The following MIR2052HG variants were observed in gnomAD, a reference collection of about 807,000 sequenced individuals.
MIR2052HG encodes MIR2052 host gene.
At chr8:74,749,538 A>G (rs1379612009) in intron 4 of MIR2052HG, among the ~76,000 whole-genome samples, 1 of 152,180 alleles carries the variant, frequency 6.6e-6, no homozygotes, top group East Asian at 1.9e-4. Flanking sequence ...TCGACATCAT[A>G]AAGTGAATGT....
intron 2 of MIR2052HG, among the ~76,000 whole-genome samples, chr8:74,632,282 G>A (rs1284290816): frequency 3.9e-5 from 6 of 152,086 alleles, no homozygotes; most frequent in East Asian, 3.9e-4. Flanking sequence ...CAAGACTCTC[G>A]CCAGGGAGAT....
At chr8:74,653,354 G>T (rs930192250) in intron 2 of MIR2052HG, among the ~76,000 whole-genome samples, 1 of 152,196 alleles carries the variant, frequency 6.6e-6, no homozygotes, top group Non-Finnish European at 1.5e-5. Flanking sequence ...AAATGAATCT[G>T]TAGATGTGCT....
chr8:74,618,665 A>G (rs561388533), intron 2 of MIR2052HG, among the ~76,000 whole-genome samples: 4 of 152,356 alleles, frequency 2.6e-5, no homozygotes, highest in Admixed American at 1.3e-4. Flanking sequence ...AAAGTTGTAT[A>G]TGACAAGCCC....
At chr8:74,646,401 T>C (rs1474608819) in intron 2 of MIR2052HG, among the ~76,000 whole-genome samples, 1 of 152,182 alleles carries the variant, frequency 6.6e-6, no homozygotes, top group East Asian at 1.9e-4. Context: ...GTGTTTGATT[T>C]GATGTAAGCA....
intron 4 of MIR2052HG, among the ~76,000 whole-genome samples, chr8:74,719,040 G>C (rs1243217271): frequency 6.6e-5 from 10 of 151,670 alleles, no homozygotes; most frequent in African/African-American, 2.4e-4. Flanking sequence ...AATTTGTCAG[G>C]GTCTTCCTAT....
At chr8:74,742,671 G>A (rs1328693766) in intron 4 of MIR2052HG, among the ~76,000 whole-genome samples, 6 of 152,122 alleles carry the variant, frequency 3.9e-5, no homozygotes, top group Non-Finnish European at 8.8e-5. Context: ...CTGTGGAAAT[G>A]TTGACATCAT....
At chr8:74,675,219 G>C (rs1586910689) in intron 2 of MIR2052HG, among the ~76,000 whole-genome samples, 1 of 151,982 alleles carries the variant, frequency 6.6e-6, no homozygotes, top group African/African-American at 2.4e-5. Context: ...AAGTATTATT[G>C]GCCCTTCATA....
chr8:74,709,483 A>C (rs1809445701), intron 4 of MIR2052HG, among the ~76,000 whole-genome samples: 1 of 152,056 alleles, frequency 6.6e-6, no homozygotes, highest in South Asian at 2.1e-4. Context: ...CATGGGCATA[A>C]GTTTTTGAAA....
chr8:74,703,948 G>C (rs1223519278), intron 4 of MIR2052HG, among the ~76,000 whole-genome samples: 1 of 151,996 alleles, frequency 6.6e-6, no homozygotes, highest in African/African-American at 2.4e-5. Flanking sequence ...GAGGAATTTA[G>C]TAATTTATCA....
At chr8:74,683,387 A>T (rs1265241264) in intron 2 of MIR2052HG, among the ~76,000 whole-genome samples, 1 of 152,142 alleles carries the variant, frequency 6.6e-6, no homozygotes, top group Non-Finnish European at 1.5e-5. Context: ...AGTCACTAAC[A>T]TAACCTGAAC....
chr8:74,605,297 G>A (rs1808095557), intron 1 of MIR2052HG, among the ~76,000 whole-genome samples: 1 of 152,170 alleles, frequency 6.6e-6, no homozygotes, highest in African/African-American at 2.4e-5. Flanking sequence ...TGCCCAGGGA[G>A]GAACTTTGTA....
At chr8:74,712,824 A>G (rs532711721) in intron 4 of MIR2052HG, among the ~76,000 whole-genome samples, 4 of 151,652 alleles carry the variant, frequency 2.6e-5, no homozygotes, top group Non-Finnish European at 4.4e-5. Flanking sequence ...TTCTGTCCAT[A>G]TTTAATAAAT....
At chr8:74,620,202 C>T (rs1808342246) in intron 2 of MIR2052HG, among the ~76,000 whole-genome samples, 1 of 152,204 alleles carries the variant, frequency 6.6e-6, no homozygotes, top group Non-Finnish European at 1.5e-5. Flanking sequence ...CAGCTCTGCC[C>T]CTCTGGCTTC....
At chr8:74,600,465 C>T (rs1448087130) in intron 1 of MIR2052HG, among the ~76,000 whole-genome samples, 2 of 151,366 alleles carry the variant, frequency 1.3e-5, no homozygotes, top group African/African-American at 2.4e-5. Flanking sequence ...TGCCTGTAAT[C>T]CCAGCTACTC....
At chr8:74,619,590 G>T (rs937942470) in intron 2 of MIR2052HG, among the ~76,000 whole-genome samples, 6 of 152,160 alleles carry the variant, frequency 3.9e-5, no homozygotes, top group African/African-American at 9.7e-5. Flanking sequence ...TTCACAGGGT[G>T]GCAGGATGGA....
At chr8:74,755,194 G>GT (rs1809987008) in intron 5 of MIR2052HG, among the ~76,000 whole-genome samples, 1 of 152,106 alleles carries the variant, frequency 6.6e-6, no homozygotes, top group African/African-American at 2.4e-5. Context: ...TGATATTTGG[G>GT]TTTTTTAAAA....
intron 2 of MIR2052HG, among the ~76,000 whole-genome samples, chr8:74,691,027 C>T (rs951051704): frequency 7.2e-5 from 11 of 151,968 alleles, no homozygotes; most frequent in African/African-American, 2.7e-4. Flanking sequence ...GGGTCGAGAA[C>T]GTAAAAAATT....
At chr8:74,673,417 G>C (rs117385219) in intron 2 of MIR2052HG, among the ~76,000 whole-genome samples, 1 of 151,950 alleles carries the variant, frequency 6.6e-6, no homozygotes, top group South Asian at 2.1e-4. Context: ...ATCACGATTT[G>C]CTCTACTGAT....
chr8:74,614,162 A>G (rs890305533), intron 2 of MIR2052HG, among the ~76,000 whole-genome samples: 4 of 152,202 alleles, frequency 2.6e-5, no homozygotes, highest in Non-Finnish European at 4.4e-5. Flanking sequence ...AACAGTGGCA[A>G]CAGTAACTTC....
Sources: allele counts gnomAD v4.1 joint callset (sites outside exome capture counted in the v4.1 genomes callset), GRCh38; gene constraint gnomAD v4.1.1; transcripts MANE v1.5; gene names NCBI Gene and HGNC (gene_info 2026-07-23, HGNC 2026-07-21).